Variants in AP2A2 observed in about 807,000 individuals in gnomAD.
The protein encoded by AP2A2 is AP-2 complex subunit alpha-2.
Under a neutral mutation model 104.2 loss-of-function variants are expected in AP2A2, and 32 were observed. The observed-to-expected ratio is 0.31, with a 90% CI of 0.23 to 0.41. The LOEUF (loss-of-function observed/expected upper bound fraction) is 0.41. AP2A2 is among the 10% of genes least tolerant of loss of function. AP2A2 has a pLI of 1.00. For missense variants in AP2A2, 912 were observed against 1,261.0 expected, an observed-to-expected ratio of 0.72 and a Z score of 4.19; for synonymous variants, 539 against 533.3, an observed-to-expected ratio of 1.01 and a Z score of -0.15.
At chr11:983,132 CT>C (rs1855310488) in intron 6 of AP2A2, among the ~76,000 whole-genome samples, 1 of 149,686 alleles carries the variant, frequency 6.7e-6, no homozygotes, top group Admixed American at 6.7e-5. Context: ...ATTCTCCTAC[CT>C]CAGCCTCCCG....
chr11:925,993 C>T lies in AP2A2; in HGVS notation c.-29C>T. The T allele has an allele frequency of 7.2e-7, 1 of 1,390,732 alleles. No individual in the cohort carries two copies. The highest frequency in any genetic ancestry group is 1.5e-5 in the African/African-American group (1 of 66,382). 86.1% of individuals were successfully genotyped at this position (1,390,732 alleles called of 1,614,324 possible). A position where few individuals can be genotyped will look rare whatever the true frequency, so the allele number is the denominator to read the frequency against. On this transcript the variant is annotated 5_prime_UTR_variant, in exon 1 of 22. Transcript: ENST00000448903. ...CCCGCGCTCCTCCGCCCGGGTCCGC[C>T]AGCCGAGGCCGCTCCCGAGCGTCGG...
chr11:934,121 T>A (rs1853376453), intron 1 of AP2A2, among the ~76,000 whole-genome samples: 1 of 151,990 alleles, frequency 6.6e-6, no homozygotes. Flanking sequence ...CTGCCCCATG[T>A]AGCTCCCTCA....
At chr11:954,416 GTGTA>G (rs1256568436) in intron 1 of AP2A2, among the ~76,000 whole-genome samples, 5 of 151,990 alleles carry the variant, frequency 3.3e-5, no homozygotes, top group African/African-American at 4.8e-5. Context: ...ATTTGTGTGT[GTGTA>G]TGTATTTGTG....
At chr11:981,550 C>G (rs937781289) in intron 6 of AP2A2, among the ~76,000 whole-genome samples, 1 of 152,212 alleles carries the variant, frequency 6.6e-6, no homozygotes. Flanking sequence ...GGCCCCGTGT[C>G]CCCCACTGGG....
At chr11:964,275 G>T (rs1004581819) in intron 2 of AP2A2, among the ~76,000 whole-genome samples, 21 of 152,224 alleles carry the variant, frequency 1.4e-4, no homozygotes, top group African/African-American at 4.6e-4. Flanking sequence ...TTTCAACAAT[G>T]AAGCTACCCT....
At chr11:1,008,329 C>T (rs1242678246) in intron 18 of AP2A2, 194 bp downstream of exon 18, 3 of 846,100 alleles carry the variant, frequency 3.5e-6, no homozygotes, top group Non-Finnish European at 5.1e-6. Flanking sequence ...AGGCGGAGCC[C>T]TGGGCTCCGG....
At position 968,420 on chromosome 11, in the gene AP2A2, C is replaced by T. The variant is rs898646165; in HGVS notation, c.137-1749C>T. Among the ~76,000 whole-genome samples, 14 of 151,986 alleles carry T rather than the reference C, an allele frequency of 9.2e-5. No homozygotes were observed. The highest frequency in any genetic ancestry group is 2.6e-4 in the Admixed American group (4 of 15,258). On this transcript the variant is annotated intron_variant, in intron 2 of 21. Coordinates refer to ENST00000448903, the MANE Select transcript of AP2A2 (RefSeq NM_012305.4). This position sits in a 1 kb window ranked among gnomAD's most constrained non-coding sequence, Gnocchi z 4.2. ...CCTCTCGGAGAGAGCCTGTCTCCGTCTCCGCCCCTGTTCCCATCCCCGTCT... is the reference window on the plus strand; with the variant it reads ...CCTCTCGGAGAGAGCCTGTCTCCGTTTCCGCCCCTGTTCCCATCCCCGTCT...
At chr11:947,621 C>A (rs1010685165) in intron 1 of AP2A2, among the ~76,000 whole-genome samples, 11 of 152,064 alleles carry the variant, frequency 7.2e-5, no homozygotes, top group African/African-American at 2.7e-4. Context: ...CATGGCAAAA[C>A]CCCATCTCTA....
chr11:977,122 C>T lies in AP2A2; in HGVS notation c.501C>T (p.Ser167=), dbSNP rs1331111528. ...ACACTATGGACAGCGTGAAGCAGAG[C>T]GCGGCCCTGTGCTTGCTGCGCCTGT... ...AGDTMDSVKQ[S]AALCLLRLYR... Residue 167 remains serine, a synonymous_variant, in exon 5 of 22, where the codon AGC becomes AGT. Coordinates refer to ENST00000448903, the MANE Select transcript of AP2A2 (RefSeq NM_012305.4). 21 of 1,613,636 alleles carry T rather than the reference C, an allele frequency of 1.3e-5. No individual in the cohort carries two copies. The East Asian group carries it at 2.0e-4, about 15-fold the overall frequency.
In AP2A2 at chr11:993,805, C is replaced by T; in HGVS notation, c.1602C>T (p.Val534=). Residue 534 remains valine (V), a synonymous_variant, in exon 13 of 22, where the codon GTC becomes GTT. Coordinates refer to ENST00000448903, the MANE Select transcript of AP2A2 (RefSeq NM_012305.4). This position sits in a 1 kb window ranked among gnomAD's most constrained non-coding sequence, Gnocchi z 8.2. ...LLHSKFHLCS[V]PTRALLLSTY... is the part of the protein sequence containing the mutation. ...ACTCCAAGTTCCACCTGTGCAGCGT[C>T]CCCACCCGCGCGCTGCTCCTGTCCA... 2.5e-6 allele frequency: 4 copies of T among 1,607,360 alleles called. No homozygotes were observed. The highest frequency in any genetic ancestry group is 3.4e-6 in the Non-Finnish European group (4 of 1,179,260).
intron 1 of AP2A2, chr11:932,631 A>G (rs1853327133): frequency 2.2e-6 from 1 of 451,664 alleles, no homozygotes; most frequent in Non-Finnish European, 4.4e-6. Context: ...TTCCTTAGAA[A>G]CCAGTTTAGG....
At chr11:928,444 ACCTGT>A (rs1242683889) in intron 1 of AP2A2, among the ~76,000 whole-genome samples, 2 of 152,186 alleles carry the variant, frequency 1.3e-5, no homozygotes, top group Non-Finnish European at 2.9e-5. Flanking sequence ...TGGAACGTAT[ACCTGT>A]GGATATGGGG....
At chr11:974,698 A>AAAAAAAAAAG (rs55897359) in intron 4 of AP2A2, among the ~76,000 whole-genome samples, 9 of 137,140 alleles carry the variant, frequency 6.6e-5, no homozygotes, top group African/African-American at 1.1e-4. Flanking sequence ...AAAAAAAAAA[A>AAAAAAAAAAG]AAAGAAAGCT....
intron 10 of AP2A2, 172 bp downstream of exon 10, chr11:988,861 T>A: frequency 3.4e-6 from 3 of 889,880 alleles, no homozygotes; most frequent in African/African-American, 1.7e-5. Context: ...AAGCTGGGTG[T>A]GGTGGCACCT....
At chr11:953,659 T>C (rs1854129955) in intron 1 of AP2A2, among the ~76,000 whole-genome samples, 1 of 150,718 alleles carries the variant, frequency 6.6e-6, no homozygotes, top group Non-Finnish European at 1.5e-5. Context: ...CTGCTGTCCC[T>C]GCACCTCCCC....
chr11:958,327 G>A (rs1192765151), intron 1 of AP2A2, among the ~76,000 whole-genome samples: 2 of 152,212 alleles, frequency 1.3e-5, no homozygotes, highest in Non-Finnish European at 2.9e-5. Context: ...AAGATGAAGT[G>A]TTTCAGCCGC....
intron 1 of AP2A2, among the ~76,000 whole-genome samples, chr11:927,999 G>A (rs964707513): frequency 7.2e-5 from 11 of 152,162 alleles, no homozygotes; most frequent in Non-Finnish European, 1.2e-4. Context: ...AATGCGCTAT[G>A]ATGTCTGTCC....
rs1329013042 is a variant in AP2A2, at chr11:992,712, A to T, written c.1452+27A>T. 6.2e-7 allele frequency: 1 copy of T among 1,613,050 alleles called. No individual in the cohort carries two copies. The highest frequency in any genetic ancestry group is 1.1e-5 in the South Asian group (1 of 91,046). Reference sequence around the variant, plus strand: ...TATGGCCCGCAGGATGGCAGGAAGGATGGGGTGGAGGGCAGTTGCAGAAGG... The same window carrying T: ...TATGGCCCGCAGGATGGCAGGAAGGTTGGGGTGGAGGGCAGTTGCAGAAGG... On this transcript the variant is annotated intron_variant, in intron 11 of 21. Coordinates refer to ENST00000448903, the MANE Select transcript of AP2A2 (RefSeq NM_012305.4). This position sits in a 1 kb window ranked among gnomAD's most constrained non-coding sequence, Gnocchi z 6.4.
At chr11:997,252 G>C (rs1214500972) in intron 14 of AP2A2, among the ~76,000 whole-genome samples, 1 of 152,124 alleles carries the variant, frequency 6.6e-6, no homozygotes, top group Admixed American at 6.5e-5. Context: ...CAGCTCCTTG[G>C]GGGAGGCTGT....
Sources: gnomAD v4.1 joint callset for allele counts (sites outside exome capture counted in the v4.1 genomes callset) on GRCh38, gnomAD v4.1.1 for gene constraint, Gnocchi (gnomAD v3.1) non-coding constraint, MANE v1.5 for transcripts, NCBI Gene and HGNC (gene_info 2026-07-23, HGNC 2026-07-21) for gene names.